The following KCNIP1 variants were observed in gnomAD, a reference collection of about 807,000 sequenced individuals.
KCNIP1 encodes A-type potassium channel modulatory protein KCNIP1.
In KCNIP1, 18 loss-of-function variants were observed where a neutral mutation model predicts 33.0. The observed-to-expected ratio is 0.55, with a 90% CI of 0.38 to 0.81. KCNIP1 has a LOEUF of 0.81. KCNIP1 is among the 30% of genes least tolerant of loss of function. The pLI is 0.00. For missense variants in KCNIP1, 238 were observed against 271.6 expected (o/e 0.88, Z 0.87); for synonymous variants, 93 against 98.3 (o/e 0.95, Z 0.32).
intron 1 of KCNIP1, among the ~76,000 whole-genome samples, chr5:170,395,093 T>C (rs1049088307): frequency 6.6e-6 from 1 of 152,252 alleles, no homozygotes; most frequent in Non-Finnish European, 1.5e-5. Context: ...GAATACTTTA[T>C]TTTCCTTTGT....
At chr5:170,701,182 G>A (rs1190981816) in intron 1 of KCNIP1, among the ~76,000 whole-genome samples, 2 of 152,206 alleles carry the variant, frequency 1.3e-5, no homozygotes, top group African/African-American at 4.8e-5. Context: ...TATCCTTATA[G>A]GCGAAAAGGG....
chr5:170,535,705 C>T (rs10076393), intron 1 of KCNIP1, among the ~76,000 whole-genome samples: 37,580 of 152,152 alleles, frequency 0.25, 6,172 homozygotes, highest in African/African-American at 0.47. Flanking sequence ...CCTAAGCAAA[C>T]ACCTGCTTTG....
intron 1 of KCNIP1, among the ~76,000 whole-genome samples, chr5:170,587,756 A>G (rs563051004): frequency 6.6e-6 from 1 of 152,222 alleles, no homozygotes; most frequent in African/African-American, 2.4e-5. Flanking sequence ...ATTCAGGATA[A>G]TCTCTTCATC....
chr5:170,537,520 G>A (rs1168127165), intron 1 of KCNIP1, among the ~76,000 whole-genome samples: 7 of 152,150 alleles, frequency 4.6e-5, no homozygotes, highest in Non-Finnish European at 1.0e-4. Flanking sequence ...CCTTGCCCTG[G>A]ATGTTCTGTT....
At chr5:170,409,442 G>A (rs1260210285) in intron 1 of KCNIP1, among the ~76,000 whole-genome samples, 1 of 152,214 alleles carries the variant, frequency 6.6e-6, no homozygotes, top group Non-Finnish European at 1.5e-5. Flanking sequence ...ACAAGTTCAA[G>A]TCACTTCTCC....
chr5:170,367,418 A>AAAGG (rs1265311045), intron 1 of KCNIP1, among the ~76,000 whole-genome samples: 125 of 101,354 alleles, frequency 1.2e-3, no homozygotes, highest in Non-Finnish European at 2.2e-3. Context: ...AGAAAGAAAG[A>AAAGG]AAGGAAAGAA....
intron 1 of KCNIP1, among the ~76,000 whole-genome samples, chr5:170,572,312 A>T (rs541188606): frequency 6.6e-6 from 1 of 152,206 alleles, no homozygotes; most frequent in Non-Finnish European, 1.5e-5. Flanking sequence ...TGGTTCTTGG[A>T]TTGCAACCTC....
intron 1 of KCNIP1, among the ~76,000 whole-genome samples, chr5:170,379,207 C>T (rs567850470): frequency 6.6e-6 from 1 of 152,228 alleles, no homozygotes; most frequent in East Asian, 1.9e-4. Context: ...GGCTACACAC[C>T]TGGGCGCAGG....
intron 1 of KCNIP1, among the ~76,000 whole-genome samples, chr5:170,567,925 A>C (rs1217717781): frequency 1.3e-5 from 2 of 152,180 alleles, no homozygotes; most frequent in African/African-American, 4.8e-5. Context: ...CATCCTTGGC[A>C]AAGGATGAGA....
At chr5:170,495,708 G>A (rs754734539) in intron 1 of KCNIP1, among the ~76,000 whole-genome samples, 19 of 152,168 alleles carry the variant, frequency 1.2e-4, no homozygotes, top group Non-Finnish European at 2.4e-4. Context: ...CATTGTTTCC[G>A]TGCCACCTCT....
At chr5:170,623,155 G>A (rs926335299) in intron 1 of KCNIP1, among the ~76,000 whole-genome samples, 2 of 152,200 alleles carry the variant, frequency 1.3e-5, no homozygotes, top group African/African-American at 4.8e-5. Context: ...CTGTGCAGCC[G>A]GGGTCCTAAC....
intron 1 of KCNIP1, among the ~76,000 whole-genome samples, chr5:170,684,048 C>A (rs548386813): frequency 6.6e-6 from 1 of 152,022 alleles, no homozygotes; most frequent in African/African-American, 2.4e-5. Context: ...TGAGCCACAG[C>A]GCCTGGCCAA....
intron 1 of KCNIP1, among the ~76,000 whole-genome samples, chr5:170,657,452 C>T (rs557558496): frequency 2.0e-5 from 3 of 152,330 alleles, no homozygotes; most frequent in Non-Finnish European, 4.4e-5. Context: ...TTGGCTCAGG[C>T]CTCAGTTTCC....
At chr5:170,591,790 C>G (rs1262040465) in intron 1 of KCNIP1, among the ~76,000 whole-genome samples, 1 of 152,182 alleles carries the variant, frequency 6.6e-6, no homozygotes, top group Admixed American at 6.5e-5. Flanking sequence ...CTTTGTAAAG[C>G]TGAATAATTT....
intron 1 of KCNIP1, among the ~76,000 whole-genome samples, chr5:170,469,894 T>C (rs1756685831): frequency 6.6e-6 from 1 of 152,176 alleles, no homozygotes; most frequent in Non-Finnish European, 1.5e-5. Context: ...CACTCAATCC[T>C]CCATAAATAA....
intron 1 of KCNIP1, among the ~76,000 whole-genome samples, chr5:170,672,547 A>G (rs1394284536): frequency 1.3e-5 from 2 of 152,274 alleles, no homozygotes; most frequent in African/African-American, 2.4e-5. Flanking sequence ...TTAAAAAAAT[A>G]TAAGATTAAG....
At chr5:170,457,701 G>A (rs1358789760) in intron 1 of KCNIP1, among the ~76,000 whole-genome samples, 1 of 152,114 alleles carries the variant, frequency 6.6e-6, no homozygotes, top group Non-Finnish European at 1.5e-5. Flanking sequence ...CAACAGCCTC[G>A]AGCCCTAGGC....
intron 1 of KCNIP1, among the ~76,000 whole-genome samples, chr5:170,524,788 G>T (rs1363875171): frequency 3.3e-5 from 5 of 152,126 alleles, no homozygotes; most frequent in African/African-American, 1.2e-4. Context: ...GCCACCCCAG[G>T]ACCCAGCCCA....
chr5:170,414,835 T>C (rs370822160), intron 1 of KCNIP1, among the ~76,000 whole-genome samples: 2 of 152,234 alleles, frequency 1.3e-5, no homozygotes, highest in East Asian at 3.9e-4. Flanking sequence ...GGGGTATAAA[T>C]AAATGTGCTG....
Sources: allele counts gnomAD v4.1 joint callset (sites outside exome capture counted in the v4.1 genomes callset), GRCh38; gene constraint gnomAD v4.1.1; transcripts MANE v1.5; gene names NCBI Gene and HGNC (gene_info 2026-07-23, HGNC 2026-07-21).